UBE3C: variants seen among roughly 807,000 people sequenced by gnomAD.
UBE3C encodes the protein ubiquitin protein ligase E3C.
A neutral mutation model predicts 129.4 loss-of-function variants in UBE3C; 42 were observed. That is an observed-to-expected ratio of 0.32 (90% CI 0.25 to 0.42). UBE3C has a LOEUF of 0.42. Among genes scored for constraint, UBE3C ranks in the 10% least tolerant of loss-of-function variants. The pLI is 1.00. For missense variants in UBE3C, 1,049 were observed against 1,319.1 expected (o/e 0.80, Z 3.17); for synonymous variants, 510 against 492.4 (o/e 1.04, Z -0.47).
chr7:157,192,416 G>A (rs1213162989), intron 10 of UBE3C: 2 of 719,814 alleles, frequency 2.8e-6, no homozygotes, highest in African/African-American at 1.7e-5. Flanking sequence ...CACCCTCAAG[G>A]TTGAACCCTT....
chr7:157,144,512 G>A (rs1001042132), intron 1 of UBE3C, among the ~76,000 whole-genome samples: 2 of 152,070 alleles, frequency 1.3e-5, no homozygotes, highest in African/African-American at 4.8e-5. Flanking sequence ...TACCCGAGAG[G>A]GGAGAACTGA....
At chr7:157,230,842 A>C (rs1199473581) in intron 17 of UBE3C, among the ~76,000 whole-genome samples, 1 of 150,710 alleles carries the variant, frequency 6.6e-6, no homozygotes, top group East Asian at 2.0e-4. Context: ...CAATTCCCTG[A>C]GAGTTTGTGG....
In UBE3C at chr7:157,241,258, C is replaced by T. The variant is rs141499260; in HGVS notation, c.2482-7110C>T. ...CCCGTCTTAGCTGTGAGACCAGGAG[C>T]ACAAAAAACAAAAGGAAAAATGAAC... On this transcript the variant is annotated intron_variant, in intron 18 of 22. Transcript: ENST00000348165. 8.5e-5 allele frequency among the ~76,000 whole-genome samples: 13 copies of T among 152,136 alleles called. No homozygotes were observed. The East Asian group carries it at 2.5e-3, about 29-fold the overall frequency.
chr7:157,255,754 A>T (rs1297765978), intron 21 of UBE3C, among the ~76,000 whole-genome samples: 1 of 152,206 alleles, frequency 6.6e-6, no homozygotes, highest in South Asian at 2.1e-4. Flanking sequence ...AACAATATAC[A>T]GCAATTATTT....
intron 18 of UBE3C, among the ~76,000 whole-genome samples, chr7:157,242,528 T>TTG (rs1796364986): frequency 2.7e-5 from 4 of 148,078 alleles, no homozygotes; most frequent in African/African-American, 7.4e-5. Flanking sequence ...TTTTTTTTTT[T>TTG]TTTTTTTTTA....
chr7:157,216,743 G>T, intron 13 of UBE3C, 124 bp from the exon 14 acceptor site: 1 of 712,898 alleles, frequency 1.4e-6, no homozygotes. Context: ...AGCGGGTTTG[G>T]TGTCCGGCTC....
chr7:157,178,438 C>G (rs561658132), intron 5 of UBE3C, among the ~76,000 whole-genome samples: 5 of 152,300 alleles, frequency 3.3e-5, no homozygotes, highest in African/African-American at 1.2e-4. Context: ...CATTTCTCCA[C>G]TGTCCATTTT....
intron 10 of UBE3C, chr7:157,198,181 G>A: frequency 6.2e-6 from 10 of 1,604,422 alleles, no homozygotes; most frequent in Non-Finnish European, 7.7e-6. Context: ...ACATCTTGTA[G>A]CTGATTTTCT....
chr7:157,199,975 CTTACTGGAATGAAT>C (rs2116982317), intron 10 of UBE3C, among the ~76,000 whole-genome samples: 1 of 152,172 alleles, frequency 6.6e-6, no homozygotes, highest in African/African-American at 2.4e-5. Flanking sequence ...AGATTCTGCT[CTTACTGGAATGAAT>C]GCAGTGTGCC....
Position 157,139,251 on chromosome 7 carries a change from G to A in UBE3C, c.-22G>A. On this transcript the variant is annotated 5_prime_UTR_variant, in exon 1 of 23. Transcript: ENST00000348165. ...GGCTGCTTCCGCGGCGGCGCTGCCC[G>A]CACATGGGCTAGGCTGCCAGGATGT... is the stretch of plus-strand genomic sequence containing the variant. The A allele has an allele frequency of 3.3e-6, 5 of 1,496,652 alleles. No individual in the cohort carries two copies. The highest frequency in any genetic ancestry group is 2.5e-5 in the South Asian group (2 of 79,354). 92.7% of individuals were successfully genotyped at this position (1,496,652 alleles called of 1,614,324 possible).
chr7:157,152,573 C>T (rs1042027608), intron 1 of UBE3C, among the ~76,000 whole-genome samples: 2 of 152,124 alleles, frequency 1.3e-5, no homozygotes, highest in Admixed American at 6.5e-5. Context: ...GGGCACTTTT[C>T]GTTTATGAGC....
intron 1 of UBE3C, among the ~76,000 whole-genome samples, chr7:157,159,074 A>T (rs1807995763): frequency 6.6e-6 from 1 of 152,212 alleles, no homozygotes; most frequent in African/African-American, 2.4e-5. Flanking sequence ...TTGTGAAGTC[A>T]TGGGCGGTAA....
chr7:157,190,735 C>G (rs1323938268), intron 10 of UBE3C, among the ~76,000 whole-genome samples: 1 of 152,098 alleles, frequency 6.6e-6, no homozygotes, highest in South Asian at 2.1e-4. Flanking sequence ...AAAAAATTCA[C>G]ATTCCTTGGA....
chr7:157,228,188 CCT>C (rs760345102), intron 17 of UBE3C, among the ~76,000 whole-genome samples: 67 of 152,196 alleles, frequency 4.4e-4, no homozygotes, highest in Non-Finnish European at 8.1e-4. Context: ...CATGTTAGCC[CCT>C]GTTACCCATA....
rs537093909 is a variant in UBE3C at position 157,259,309 on chromosome 7, G to A, written c.3081+2265G>A. Among the ~76,000 whole-genome samples the A allele has an allele frequency of 2.4e-4, 36 of 152,324 alleles. 1 individual carries two copies. In the South Asian group the frequency reaches 5.8e-3, roughly 25 times the overall value. ...GGACCACACGTTGCATTTAATTGGC[G>A]TGCTCTTTAGTTTCCTTTCTTCTGT... On this transcript the variant is annotated intron_variant, in intron 22 of 22. Transcript: ENST00000348165.
intron 1 of UBE3C, among the ~76,000 whole-genome samples, chr7:157,154,347 TAA>T (rs1012955779): frequency 6.6e-6 from 1 of 152,010 alleles, no homozygotes; most frequent in Admixed American, 6.6e-5. Flanking sequence ...TCAGACCTTC[TAA>T]AGAGTATCCA....
intron 10 of UBE3C, among the ~76,000 whole-genome samples, chr7:157,194,983 G>T (rs988197954): frequency 6.6e-6 from 1 of 152,170 alleles, no homozygotes. Flanking sequence ...TGGGAAATTC[G>T]TGGCCTATTC....
At chr7:157,246,684 C>T (rs1036200709) in intron 18 of UBE3C, among the ~76,000 whole-genome samples, 1 of 152,160 alleles carries the variant, frequency 6.6e-6, no homozygotes, top group African/African-American at 2.4e-5. Context: ...CTCTCTCTGT[C>T]CTTCCTGCCG....
At chr7:157,262,083 C>A (rs934163068) in intron 22 of UBE3C, among the ~76,000 whole-genome samples, 2 of 152,076 alleles carry the variant, frequency 1.3e-5, no homozygotes, top group African/African-American at 4.8e-5. Flanking sequence ...AGTCACTGAC[C>A]CCTTCATTCA....
Sources: allele counts gnomAD v4.1 joint callset (sites outside exome capture counted in the v4.1 genomes callset), GRCh38; gene constraint gnomAD v4.1.1; transcripts MANE v1.5; gene names NCBI Gene and HGNC (gene_info 2026-07-23, HGNC 2026-07-21).